The following CFAP77 variants were observed in gnomAD, a reference collection of about 807,000 sequenced individuals.
The protein encoded by CFAP77 is cilia- and flagella-associated protein 77.
CFAP77 carries 25 observed loss-of-function variants against 31.1 expected under a neutral mutation model. That is an observed-to-expected ratio of 0.80 (90% CI 0.59 to 1.12). CFAP77 has a LOEUF of 1.12. CFAP77 is among the 50% of genes most tolerant of loss of function. The pLI is 0.00. For synonymous variants in CFAP77, 151 were observed against 159.9 expected, an observed-to-expected ratio of 0.94 and a Z score of 0.42; for missense variants, 377 against 397.3, an observed-to-expected ratio of 0.95 and a Z score of 0.44.
chr9:132,433,288 C>T (rs535968225), intron 1 of CFAP77, among the ~76,000 whole-genome samples: 1 of 152,302 alleles, frequency 6.6e-6, no homozygotes, highest in Admixed American at 6.5e-5. Context: ...ATGGCACTTG[C>T]TCTGAGGGCT....
intron 1 of CFAP77, among the ~76,000 whole-genome samples, chr9:132,430,348 A>AT (rs1201655461): frequency 6.6e-6 from 1 of 151,976 alleles, no homozygotes; most frequent in Non-Finnish European, 1.5e-5. Flanking sequence ...CAATCTCCTC[A>AT]TTTTTCCTTC....
At position 132,466,880 on chromosome 9, in the gene CFAP77, C is replaced by G. The variant is rs114995175; in HGVS notation, c.196-31815C>G. Among the ~76,000 whole-genome samples, 1,520 of 152,284 alleles carry G rather than the reference C, an allele frequency of 1.0e-2. 29 individuals are homozygous for G. Among genetic ancestry groups the G allele is most frequent in the African/African-American group, 0.035 (1,441 of 41,554 alleles). On this transcript the variant is annotated intron_variant, in intron 1 of 5. Coordinates refer to ENST00000393216, the MANE Select transcript of CFAP77 (RefSeq NM_001282957.2). ...CTGGGAACAGCCTTTGTTTTCATTT[C>G]AAATTGTAAAATACAGGCCAGGTGC...
intron 4 of CFAP77, among the ~76,000 whole-genome samples, chr9:132,541,349 G>A (rs552148731): frequency 8.5e-5 from 13 of 152,356 alleles, no homozygotes; most frequent in African/African-American, 3.1e-4. Flanking sequence ...TGACATGGCT[G>A]CTTGCCTCTA....
intron 3 of CFAP77, among the ~76,000 whole-genome samples, chr9:132,536,265 G>T (rs535430806): frequency 1.6e-4 from 25 of 152,176 alleles, no homozygotes; most frequent in Admixed American, 1.4e-3. Flanking sequence ...TGGCTTCCTG[G>T]CCTGTTGGTA....
At chr9:132,444,909 C>G (rs1201734514) in intron 1 of CFAP77, among the ~76,000 whole-genome samples, 4 of 152,088 alleles carry the variant, frequency 2.6e-5, no homozygotes, top group South Asian at 2.1e-4. Flanking sequence ...AACTCTGTCC[C>G]CATTAAACAA....
At chr9:132,566,218 C>A (rs982010106) in intron 5 of CFAP77, among the ~76,000 whole-genome samples, 3 of 152,096 alleles carry the variant, frequency 2.0e-5, no homozygotes, top group Non-Finnish European at 4.4e-5. Flanking sequence ...TTGCAGCCAG[C>A]GACTTTTGCT....
rs144739863 is a variant in CFAP77 at position 132,471,844 on chromosome 9, G to A, written c.196-26851G>A. ...GCCTCTGGAATAGATAGGACTATAG[G>A]CATGTGCCTGCTACCACGCCTGGTT... On this transcript the variant is annotated intron_variant, in intron 1 of 5. Coordinates refer to ENST00000393216, the MANE Select transcript of CFAP77 (RefSeq NM_001282957.2). Among the ~76,000 whole-genome samples, 164 of 152,188 alleles carry A rather than the reference G, an allele frequency of 1.1e-3. 1 individual carries two copies. The highest frequency in any genetic ancestry group is 2.0e-3 in the Admixed American group (30 of 15,282).
At chr9:132,419,286 T>C (rs1850166638) in intron 1 of CFAP77, among the ~76,000 whole-genome samples, 2 of 152,276 alleles carry the variant, frequency 1.3e-5, no homozygotes, top group East Asian at 1.9e-4. Flanking sequence ...AGAATGAAAG[T>C]GGAGGCTCAG....
At chr9:132,493,868 TCTTTTCTTTC>T (rs1054401840) in intron 1 of CFAP77, among the ~76,000 whole-genome samples, 3 of 152,138 alleles carry the variant, frequency 2.0e-5, no homozygotes, top group African/African-American at 7.2e-5. Context: ...TTTTCTCTTT[TCTTTTCTTTC>T]CTTTTCTTTT....
At chr9:132,496,577 A>G (rs996177726) in intron 1 of CFAP77, among the ~76,000 whole-genome samples, 9 of 152,192 alleles carry the variant, frequency 5.9e-5, no homozygotes, top group African/African-American at 2.2e-4. Context: ...ATTTATGTAG[A>G]TGGAATCATG....
intron 4 of CFAP77, 46 bp downstream of exon 4, chr9:132,537,752 AAG>A: frequency 6.8e-7 from 1 of 1,462,356 alleles, no homozygotes; most frequent in African/African-American, 1.4e-5. Flanking sequence ...TGGGGTGGAG[AAG>A]AGAGAAGGGC....
intron 1 of CFAP77, among the ~76,000 whole-genome samples, chr9:132,412,067 A>G (rs1850016036): frequency 6.6e-6 from 1 of 152,090 alleles, no homozygotes; most frequent in Admixed American, 6.5e-5. Context: ...ACCCAGCTAT[A>G]TCGAGGACAA....
intron 1 of CFAP77, among the ~76,000 whole-genome samples, chr9:132,431,513 C>A (rs1387122789): frequency 6.6e-6 from 1 of 152,112 alleles, no homozygotes; most frequent in African/African-American, 2.4e-5. Context: ...AAAATATGTT[C>A]TCGATGAATG....
In CFAP77 at chr9:132,539,750, AG is replaced by A. The variant is rs1852607115; in HGVS notation, c.630+2045del. Among the ~76,000 whole-genome samples, 1 of 152,198 alleles carries A rather than the reference AG, an allele frequency of 6.6e-6. No individual in the cohort carries two copies. On this transcript the variant is annotated intron_variant, in intron 4 of 5. Coordinates refer to ENST00000393216, the MANE Select transcript of CFAP77 (RefSeq NM_001282957.2). The surrounding 1 kb of genome is among the most constrained non-coding windows in gnomAD (Gnocchi z 4.3). ...TGCAGAACGTCAGACACCTCATTAAAGAGCTCGGCCTTGTAATAACATTTTA... is the reference window on the plus strand; with the variant it reads ...TGCAGAACGTCAGACACCTCATTAAAAGCTCGGCCTTGTAATAACATTTTA...
At chr9:132,474,014 C>G (rs963217703) in intron 1 of CFAP77, among the ~76,000 whole-genome samples, 1 of 152,186 alleles carries the variant, frequency 6.6e-6, no homozygotes, top group Non-Finnish European at 1.5e-5. Context: ...AGACTTCCCA[C>G]TGATCACATT....
intron 1 of CFAP77, among the ~76,000 whole-genome samples, chr9:132,488,111 G>A (rs1851593462): frequency 6.6e-6 from 1 of 152,290 alleles, no homozygotes; most frequent in South Asian, 2.1e-4. Context: ...CTTTTCAACT[G>A]TCAAACAAAC....
intron 4 of CFAP77, among the ~76,000 whole-genome samples, chr9:132,542,173 G>C (rs924885887): frequency 2.6e-5 from 4 of 152,182 alleles, no homozygotes; most frequent in Admixed American, 2.6e-4. Context: ...TACTCCCCGG[G>C]GGCTGCCCTG....
At chr9:132,567,154 G>A (rs193159812) in intron 5 of CFAP77, among the ~76,000 whole-genome samples, 26 of 152,262 alleles carry the variant, frequency 1.7e-4, no homozygotes, top group African/African-American at 5.1e-4. Context: ...GGTGACATGC[G>A]CTCTGCCTCT....
rs1852873194 is a variant in CFAP77, at chr9:132,554,858, ATCCATCTGTCCATTCAT to A, written c.732+11814_732+11830del. Among the ~76,000 whole-genome samples, 1 of 152,038 alleles carries A rather than the reference ATCCATCTGTCCATTCAT, an allele frequency of 6.6e-6. No individual in the cohort carries two copies. The highest frequency in any genetic ancestry group is 2.4e-5 in the African/African-American group (1 of 41,384). On this transcript the variant is annotated intron_variant, in intron 5 of 5. Coordinates refer to ENST00000393216, the MANE Select transcript of CFAP77 (RefSeq NM_001282957.2). This position sits in a 1 kb window ranked among gnomAD's most constrained non-coding sequence, Gnocchi z 4.1. ...GACCCACTCATCTGTCCATCCGTCC[ATCCATCTGTCCATTCAT>A]TCATCTATCCAACCATCTATCTATC...
Sources: allele counts gnomAD v4.1 joint callset (sites outside exome capture counted in the v4.1 genomes callset), GRCh38; gene constraint gnomAD v4.1.1; non-coding constraint Gnocchi (gnomAD v3.1); transcripts MANE v1.5; gene names NCBI Gene and HGNC (gene_info 2026-07-23, HGNC 2026-07-21).